The following NUBPL variants were observed in gnomAD, a reference collection of about 807,000 sequenced individuals.
The protein encoded by NUBPL is NUBP iron-sulfur cluster assembly factor, mitochondrial.
A neutral mutation model predicts 45.7 loss-of-function variants in NUBPL; 31 were observed. The ratio of observed to expected loss-of-function variants is 0.68; its 90% CI spans 0.51 to 0.92. The LOEUF (loss-of-function observed/expected upper bound fraction) is 0.92, where lower values mean the gene tolerates loss of function less well. Among genes scored for constraint, NUBPL ranks in the 40% least tolerant of loss-of-function variants. NUBPL has a pLI of 0.00. For synonymous variants in NUBPL, 144 were observed against 140.9 expected (o/e 1.02, Z -0.15); for missense variants, 401 against 398.7 (o/e 1.01, Z -0.05).
chr14:31,825,951 TA>T (rs2040095745), intron 7 of NUBPL, among the ~76,000 whole-genome samples: 1 of 151,468 alleles, frequency 6.6e-6, no homozygotes, highest in African/African-American at 2.4e-5. Context: ...GCCTCCCAAG[TA>T]GTTTGGATTA....
At chr14:31,638,339 C>T (rs1195877899) in intron 4 of NUBPL, among the ~76,000 whole-genome samples, 1 of 151,478 alleles carries the variant, frequency 6.6e-6, no homozygotes, top group East Asian at 1.9e-4. Flanking sequence ...ATTTCTCCTT[C>T]ACTTATGAAG....
chr14:31,855,091 C>T (rs1303503347), intron 10 of NUBPL, among the ~76,000 whole-genome samples: 1 of 151,392 alleles, frequency 6.6e-6, no homozygotes, highest in African/African-American at 2.4e-5. Context: ...GTTTATGTCT[C>T]TAATGTAGAT....
intron 6 of NUBPL, among the ~76,000 whole-genome samples, chr14:31,738,847 C>T (rs1311294500): frequency 2.6e-5 from 4 of 151,926 alleles, no homozygotes; most frequent in African/African-American, 9.7e-5. Flanking sequence ...TATCCATTCC[C>T]TGTTTCATCA....
chr14:31,646,895 C>T (rs2035869951), intron 4 of NUBPL, among the ~76,000 whole-genome samples: 1 of 149,794 alleles, frequency 6.7e-6, no homozygotes, highest in Admixed American at 6.6e-5. Flanking sequence ...AATCTTTGTT[C>T]CTTTTCTTTC....
intron 6 of NUBPL, among the ~76,000 whole-genome samples, chr14:31,689,932 GT>G (rs34845208): frequency 0.99 from 144,587 of 146,378 alleles, 71,415 homozygotes; most frequent in South Asian, 1. Flanking sequence ...TTTCCCCATT[GT>G]TTTTTTTTTT....
intron 1 of NUBPL, 44 bp downstream of exon 1, chr14:31,561,591 T>C: frequency 8.0e-7 from 1 of 1,250,192 alleles, no homozygotes; most frequent in East Asian, 2.8e-5. Context: ...TGACAGATGC[T>C]GGGCTGCAGG....
chr14:31,666,263 A>ATATATATATATTTATTTATTATTT, intron 4 of NUBPL, among the ~76,000 whole-genome samples: 16 of 111,864 alleles, frequency 1.4e-4, no homozygotes, highest in African/African-American at 3.7e-4. Context: ...ATATATATAT[A>ATATATATATATTTATTTATTATTT]ATTTTATTTT....
intron 6 of NUBPL, among the ~76,000 whole-genome samples, chr14:31,724,693 T>G (rs1460460085): frequency 6.6e-6 from 1 of 152,230 alleles, no homozygotes; most frequent in Non-Finnish European, 1.5e-5. Context: ...TATAATGTGT[T>G]AGTTACTATG....
intron 6 of NUBPL, among the ~76,000 whole-genome samples, chr14:31,710,664 G>GC (rs992151821): frequency 3.3e-5 from 5 of 152,146 alleles, no homozygotes; most frequent in African/African-American, 1.2e-4. Context: ...AAGATGTTAT[G>GC]CCCCCAGAAT....
chr14:31,674,547 C>G (rs747744853), intron 6 of NUBPL, among the ~76,000 whole-genome samples: 2 of 152,098 alleles, frequency 1.3e-5, no homozygotes, highest in African/African-American at 4.8e-5. Flanking sequence ...CATTTAAAAT[C>G]CCCAAACCAC....
chr14:31,596,651 T>C (rs1402971490), intron 3 of NUBPL, among the ~76,000 whole-genome samples: 1 of 152,240 alleles, frequency 6.6e-6, no homozygotes, highest in Non-Finnish European at 1.5e-5. Context: ...ATAAGTGTGC[T>C]CTGTATCTAA....
At chr14:31,599,470 T>G in intron 4 of NUBPL, 91 bp downstream of exon 4, 1 of 885,872 alleles carries the variant, frequency 1.1e-6, no homozygotes, top group Non-Finnish European at 1.8e-6. Context: ...GCAATGTATA[T>G]TTTATGCACA....
At chr14:31,820,484 C>T (rs1172465004) in intron 7 of NUBPL, among the ~76,000 whole-genome samples, 3 of 152,056 alleles carry the variant, frequency 2.0e-5, no homozygotes, top group South Asian at 2.1e-4. Context: ...TCTGTTAAGT[C>T]GAATGATACA....
At chr14:31,777,227 C>T (rs926803058) in intron 6 of NUBPL, among the ~76,000 whole-genome samples, 1 of 152,202 alleles carries the variant, frequency 6.6e-6, no homozygotes, top group Non-Finnish European at 1.5e-5. Context: ...CAGGATCCAT[C>T]TTGAAGGACT....
intron 4 of NUBPL, among the ~76,000 whole-genome samples, chr14:31,622,931 C>T (rs2035105159): frequency 6.6e-6 from 1 of 152,196 alleles, no homozygotes; most frequent in Non-Finnish European, 1.5e-5. Flanking sequence ...CTTCAGACCC[C>T]AGAATGGTAG....
intron 6 of NUBPL, among the ~76,000 whole-genome samples, chr14:31,742,172 C>CA (rs2038298443): frequency 6.6e-6 from 1 of 151,234 alleles, no homozygotes; most frequent in Non-Finnish European, 1.5e-5. Flanking sequence ...TCATGGCAGA[C>CA]AGAGATACTG....
intron 4 of NUBPL, among the ~76,000 whole-genome samples, chr14:31,615,124 C>T (rs2034863524): frequency 6.6e-6 from 1 of 152,068 alleles, no homozygotes; most frequent in Non-Finnish European, 1.5e-5. Context: ...ATGCTGTTCT[C>T]ATGATAGTGA....
In NUBPL at chr14:31,730,463, CTTTTTTT is replaced by C. The variant is rs1219334725; in HGVS notation, c.513+56901_513+56907del. On this transcript the variant is annotated intron_variant, in intron 6 of 10. Coordinates refer to ENST00000281081, the MANE Select transcript of NUBPL (RefSeq NM_025152.3). Reference sequence around the variant, plus strand: ...ATCATCATCTGCTGGATCAAGTAATCTTTTTTTTTTTTTTTTTTGAGATGGAGTCTTG... The same window carrying C: ...ATCATCATCTGCTGGATCAAGTAATCTTTTTTTTTTTGAGATGGAGTCTTG... Among the ~76,000 whole-genome samples the C allele has an allele frequency of 2.7e-3, 379 of 137,884 alleles. 3 individuals are homozygous for C. Among genetic ancestry groups the C allele is most frequent in the African/African-American group, 9.0e-3 (337 of 37,622 alleles). The allele number at this position is 137,884 out of a possible 152,430, so 90.5% of individuals were successfully genotyped here. A position where few individuals can be genotyped will look rare whatever the true frequency, so the allele number is the denominator to read the frequency against.
intron 6 of NUBPL, among the ~76,000 whole-genome samples, chr14:31,770,094 T>C (rs1447976700): frequency 6.6e-6 from 1 of 152,214 alleles, no homozygotes; most frequent in African/African-American, 2.4e-5. Context: ...ATGTTAAATC[T>C]CAAAACTTCA....
Sources: gnomAD v4.1 joint callset for allele counts (sites outside exome capture counted in the v4.1 genomes callset) on GRCh38, gnomAD v4.1.1 for gene constraint, MANE v1.5 for transcripts, NCBI Gene and HGNC (gene_info 2026-07-23, HGNC 2026-07-21) for gene names.